Variants in DAB1 observed in about 807,000 individuals in gnomAD.
DAB1 encodes disabled homolog 1.
In DAB1, 15 loss-of-function variants were observed where a neutral mutation model predicts 64.6. That is an observed-to-expected ratio of 0.23 (90% CI 0.16 to 0.36). The LOEUF is 0.36. DAB1 is among the 10% of genes least tolerant of loss of function. The pLI, the probability that DAB1 is intolerant of heterozygous loss-of-function variation, is 1.00. For synonymous variants in DAB1, 235 were observed against 251.9 expected (o/e 0.93, Z 0.64); for missense variants, 596 against 706.7 (o/e 0.84, Z 1.78).
intron 5 of DAB1, among the ~76,000 whole-genome samples, chr1:58,014,551 A>C (rs893031983): frequency 6.6e-6 from 1 of 152,216 alleles, no homozygotes; most frequent in Non-Finnish European, 1.5e-5. Context: ...GTCTTCCACC[A>C]TGCTGTCAAG....
intron 5 of DAB1, among the ~76,000 whole-genome samples, chr1:57,914,135 C>T (rs1644689557): frequency 6.6e-6 from 1 of 152,144 alleles, no homozygotes; most frequent in Non-Finnish European, 1.5e-5. Flanking sequence ...GCTACAAAGA[C>T]ACATGCACAC....
At chr1:58,290,626 C>A (rs1471559139) in intron 4 of DAB1, among the ~76,000 whole-genome samples, 3 of 152,164 alleles carry the variant, frequency 2.0e-5, no homozygotes, top group Non-Finnish European at 4.4e-5. Flanking sequence ...AAATAATTTT[C>A]TTAGCTCGTC....
chr1:58,280,882 G>A, intron 4 of DAB1, among the ~76,000 whole-genome samples: 1 of 152,180 alleles, frequency 6.6e-6, no homozygotes, highest in East Asian at 1.9e-4. Context: ...CAATCTTTAA[G>A]GTGATCTTAC....
intron 6 of DAB1, among the ~76,000 whole-genome samples, chr1:57,818,783 G>A (rs1651985423): frequency 2.0e-5 from 3 of 149,906 alleles, no homozygotes; most frequent in African/African-American, 7.3e-5. Context: ...ATATTTATTT[G>A]TATATAATGT....
chr1:57,220,409 C>A (rs1313898210), intron 2 of DAB1, among the ~76,000 whole-genome samples: 1 of 152,158 alleles, frequency 6.6e-6, no homozygotes, highest in African/African-American at 2.4e-5. Flanking sequence ...TGGTAACAAC[C>A]ATAACCATAA....
intron 7 of DAB1, among the ~76,000 whole-genome samples, chr1:57,493,131 T>C (rs934085321): frequency 1.3e-5 from 2 of 150,618 alleles, no homozygotes; most frequent in South Asian, 2.1e-4. Context: ...TGTGTATGTG[T>C]GTGTGTGTGT....
chr1:57,281,064 G>GT (rs1242975465), intron 2 of DAB1, among the ~76,000 whole-genome samples: 3 of 151,966 alleles, frequency 2.0e-5, no homozygotes, highest in Admixed American at 6.6e-5. Flanking sequence ...TTTCGTGGCC[G>GT]TAAGTTCATT....
intron 6 of DAB1, among the ~76,000 whole-genome samples, chr1:57,666,771 GC>G (rs1394112635): frequency 6.6e-6 from 1 of 151,772 alleles, no homozygotes; most frequent in African/African-American, 2.4e-5. Flanking sequence ...GCAATAGCGT[GC>G]TTAGCAGTTT....
intron 3 of DAB1, among the ~76,000 whole-genome samples, chr1:58,407,393 G>C (rs1327691459): frequency 6.6e-6 from 1 of 152,206 alleles, no homozygotes; most frequent in Non-Finnish European, 1.5e-5. Flanking sequence ...TACAGTCCTA[G>C]CATGTAGATA....
intron 1 of DAB1, among the ~76,000 whole-genome samples, chr1:57,415,978 A>T (rs1570483232): frequency 6.6e-6 from 1 of 152,102 alleles, no homozygotes; most frequent in African/African-American, 2.4e-5. Context: ...AGGATAGAAA[A>T]CCCTAGGGTA....
intron 7 of DAB1, among the ~76,000 whole-genome samples, chr1:57,483,373 G>A (rs1226534200): frequency 2.0e-5 from 3 of 152,098 alleles, no homozygotes; most frequent in Admixed American, 6.5e-5. Flanking sequence ...TCTCATGAGA[G>A]CTGACGGTTT....
intron 5 of DAB1, among the ~76,000 whole-genome samples, chr1:57,950,093 T>G (rs1331404366): frequency 6.6e-6 from 1 of 152,184 alleles, no homozygotes; most frequent in Non-Finnish European, 1.5e-5. Context: ...CTTAGCCTAA[T>G]ATTTCAATAA....
At chr1:57,994,497 C>T (rs1233738586) in intron 5 of DAB1, among the ~76,000 whole-genome samples, 1 of 152,110 alleles carries the variant, frequency 6.6e-6, no homozygotes, top group Non-Finnish European at 1.5e-5. Context: ...TGCTGTGAGG[C>T]CTAGATGCAC....
intron 4 of DAB1, among the ~76,000 whole-genome samples, chr1:58,293,382 T>C (rs1886305): frequency 0.58 from 88,801 of 152,066 alleles, 29,331 homozygotes; most frequent in Middle Eastern, 0.74. Flanking sequence ...ATTTGTTTAT[T>C]GTTTCTGCAA....
At chr1:57,598,591 T>C (rs1645538711) in intron 7 of DAB1, among the ~76,000 whole-genome samples, 1 of 152,146 alleles carries the variant, frequency 6.6e-6, no homozygotes, top group South Asian at 2.1e-4. Context: ...GTGCTGGGAA[T>C]ACAGAAAGGA....
intron 5 of DAB1, among the ~76,000 whole-genome samples, chr1:58,079,791 T>C (rs1238832013): frequency 6.6e-6 from 1 of 151,962 alleles, no homozygotes; most frequent in African/African-American, 2.4e-5. Flanking sequence ...AGTGCTGGGA[T>C]TACAGGTGTG....
chr1:58,389,235 T>C (rs776564682), intron 3 of DAB1, among the ~76,000 whole-genome samples: 3 of 152,198 alleles, frequency 2.0e-5, no homozygotes, highest in Non-Finnish European at 4.4e-5. Context: ...CCTAGTTGTT[T>C]GAGACCAGCC....
intron 5 of DAB1, among the ~76,000 whole-genome samples, chr1:58,091,615 T>C (rs1004002478): frequency 2.6e-5 from 4 of 152,160 alleles, no homozygotes; most frequent in African/African-American, 9.7e-5. Flanking sequence ...TGTGATATCA[T>C]TACCAGGCAT....
At chr1:58,020,092 T>A (rs1188005) in intron 5 of DAB1, among the ~76,000 whole-genome samples, 85,373 of 152,054 alleles carry the variant, frequency 0.56, 24,352 homozygotes, top group East Asian at 0.84. Flanking sequence ...TTGATGACCC[T>A]CTAGAACCAC....
Sources: gnomAD v4.1 joint callset for allele counts (sites outside exome capture counted in the v4.1 genomes callset) on GRCh38, gnomAD v4.1.1 for gene constraint, MANE v1.5 for transcripts, NCBI Gene and HGNC (gene_info 2026-07-23, HGNC 2026-07-21) for gene names.